The following PUM2 variants were observed in gnomAD, a reference collection of about 807,000 sequenced individuals.
PUM2 encodes the protein pumilio homolog 2.
In PUM2, 57 loss-of-function variants were observed where a neutral mutation model predicts 124.5. That is an observed-to-expected ratio of 0.46 (90% CI 0.37 to 0.57). The LOEUF is 0.57. PUM2 is among the 20% of genes least tolerant of loss of function. The probability of loss-of-function intolerance (pLI) is 0.00; values close to 1 mark genes in which losing one functional copy is unlikely to be tolerated. For missense variants in PUM2, 1,065 were observed against 1,290.6 expected, an observed-to-expected ratio of 0.83 and a Z score of 2.68; for synonymous variants, 460 against 446.1, an observed-to-expected ratio of 1.03 and a Z score of -0.39.
At chr2:20,351,637 T>C (rs1689350436), upstream of PUM2, among the ~76,000 whole-genome samples, 1 of 152,210 alleles carries the variant, frequency 6.6e-6, no homozygotes, top group African/African-American at 2.4e-5. Flanking sequence ...TGCAAAGCAG[T>C]GGTGATTCCA....
intron 1 of PUM2, among the ~76,000 whole-genome samples, chr2:20,344,189 T>C (rs1687770712): frequency 6.6e-6 from 1 of 152,162 alleles, no homozygotes; most frequent in Non-Finnish European, 1.5e-5. Flanking sequence ...CGCCTCAGCC[T>C]CCCAGGTAGC....
At chr2:20,306,987 G>T (rs541537323) in intron 7 of PUM2, among the ~76,000 whole-genome samples, 3 of 151,880 alleles carry the variant, frequency 2.0e-5, no homozygotes, top group Non-Finnish European at 2.9e-5. Flanking sequence ...GCCGAGGGGG[G>T]GCTGATCACC....
Position 20,251,529 on chromosome 2 carries a change from C to A in PUM2, c.*56G>T. ...TTGAGTTGTGTTTTGATAATTCACA[C>A]ACAAAAAAATTCTTTTCACATGGTT... is the stretch of plus-strand genomic sequence containing the variant. On this transcript the variant is annotated 3_prime_UTR_variant, in exon 21 of 21. Coordinates refer to ENST00000361078, the MANE Select transcript of PUM2 (RefSeq NM_015317.5). 6.6e-7 allele frequency: 1 copy of A among 1,525,434 alleles called. No individual in the cohort carries two copies. The highest frequency in any genetic ancestry group is 1.3e-5 in the South Asian group (1 of 77,444). 94.5% of individuals were successfully genotyped at this position (1,525,434 alleles called of 1,614,324 possible).
chr2:20,251,790 T>A, intron 20 of PUM2, 74 bp from the exon 21 acceptor site: 9 of 1,534,216 alleles, frequency 5.9e-6, no homozygotes, highest in Non-Finnish European at 6.2e-6. Context: ...CACCCCCAAT[T>A]CTGGGTAATT....
chr2:20,318,701 A>C (rs1681583555), intron 2 of PUM2, 56 bp from the exon 3 acceptor site: 2 of 1,275,552 alleles, frequency 1.6e-6, no homozygotes, highest in Non-Finnish European at 2.2e-6. Flanking sequence ...GAATTAATAT[A>C]TAAGAAGTCT....
At chr2:20,288,893 C>T (rs1206730949) in intron 10 of PUM2, among the ~76,000 whole-genome samples, 2 of 152,198 alleles carry the variant, frequency 1.3e-5, no homozygotes, top group Non-Finnish European at 2.9e-5. Flanking sequence ...CTGAAACATA[C>T]AAATACAAAT....
chr2:20,344,177 C>G (rs1264922341), intron 1 of PUM2, among the ~76,000 whole-genome samples: 6 of 152,198 alleles, frequency 3.9e-5, no homozygotes, highest in Admixed American at 2.0e-4. Flanking sequence ...AAGAGATCCT[C>G]GCGCCTCAGC....
intron 13 of PUM2, among the ~76,000 whole-genome samples, chr2:20,278,348 A>G (rs909457811): frequency 3.3e-5 from 5 of 152,112 alleles, no homozygotes; most frequent in African/African-American, 1.2e-4. Flanking sequence ...ACACACCATT[A>G]TATTTCATAA....
At chr2:20,277,207 TATG>T (rs1408363060) in intron 13 of PUM2, among the ~76,000 whole-genome samples, 2 of 152,110 alleles carry the variant, frequency 1.3e-5, no homozygotes, top group Non-Finnish European at 2.9e-5. Context: ...AAAAAACTAT[TATG>T]ATAAGTCTTA....
intron 8 of PUM2, among the ~76,000 whole-genome samples, chr2:20,296,320 C>G (rs1047677756): frequency 4.6e-5 from 7 of 152,066 alleles, no homozygotes; most frequent in African/African-American, 1.7e-4. Context: ...ACAGTGAAAC[C>G]CCGTCTCTAC....
At chr2:20,337,813 A>G (rs1163116335) in intron 1 of PUM2, among the ~76,000 whole-genome samples, 2 of 152,158 alleles carry the variant, frequency 1.3e-5, no homozygotes, top group Non-Finnish European at 2.9e-5. Context: ...TTGGAGACTA[A>G]TTTTTAATCA....
chr2:20,286,014 G>A (rs1041386207), intron 10 of PUM2, among the ~76,000 whole-genome samples: 2 of 152,128 alleles, frequency 1.3e-5, no homozygotes, highest in Non-Finnish European at 2.9e-5. Context: ...AAGCCAGTAC[G>A]ACTGAAAGAG....
intron 12 of PUM2, among the ~76,000 whole-genome samples, chr2:20,280,906 C>T (rs1012206544): frequency 6.6e-6 from 1 of 152,122 alleles, no homozygotes; most frequent in South Asian, 2.1e-4. Flanking sequence ...GATGTTTAGG[C>T]TTCTTGGCCA....
chr2:20,350,589 T>G lies in PUM2; in HGVS notation c.-19+8A>C. The G allele has an allele frequency of 1.0e-6, 1 of 985,386 alleles. No homozygotes were observed. The highest frequency in any genetic ancestry group is 1.2e-6 in the Non-Finnish European group (1 of 829,934). 61.0% of individuals were successfully genotyped at this position (985,386 alleles called of 1,614,324 possible). On this transcript the variant is annotated splice_region_variant and intron_variant, in intron 1 of 20. Transcript: ENST00000361078. ...GACCGGAGAAAGAGCGAACGCGGAC[T>G]GACTTACAGGGCTGCTGCGGCCGCG...
intron 13 of PUM2, among the ~76,000 whole-genome samples, chr2:20,275,699 C>T (rs1257999262): frequency 2.0e-5 from 3 of 151,994 alleles, no homozygotes; most frequent in Admixed American, 2.0e-4. Context: ...CTGACCAAGC[C>T]TCTAGATCGA....
chr2:20,309,023 T>G (rs75633851), intron 5 of PUM2, among the ~76,000 whole-genome samples: 1 of 152,062 alleles, frequency 6.6e-6, no homozygotes, highest in Non-Finnish European at 1.5e-5. Context: ...ACACATAATT[T>G]TGCCATAACA....
intron 1 of PUM2, among the ~76,000 whole-genome samples, 200 bp from the exon 2 acceptor site, chr2:20,327,578 G>A (rs909717414): frequency 7.2e-5 from 11 of 152,100 alleles, no homozygotes; most frequent in Non-Finnish European, 1.6e-4. Flanking sequence ...TTAGGTCAAG[G>A]GTTCTTGAAT....
Position 20,341,575 on chromosome 2 carries a change from C to T in PUM2, c.-19+9022G>A, listed in dbSNP as rs1379616159. Reference sequence around the variant, plus strand: ...GTAAAGAAGGTACTGTTGGCTTTATCTTTGTATTTCTTCATATTGTAAGAC... The same window carrying T: ...GTAAAGAAGGTACTGTTGGCTTTATTTTTGTATTTCTTCATATTGTAAGAC... On this transcript the variant is annotated intron_variant, in intron 1 of 20. Coordinates refer to ENST00000361078, the MANE Select transcript of PUM2 (RefSeq NM_015317.5). Among the ~76,000 whole-genome samples the T allele has an allele frequency of 2.0e-5, 3 of 152,220 alleles. No homozygotes were observed. In the East Asian group the frequency reaches 5.8e-4, roughly 29 times the overall value.
intron 7 of PUM2, among the ~76,000 whole-genome samples, chr2:20,306,992 A>C (rs1481176720): frequency 6.6e-6 from 1 of 151,838 alleles, no homozygotes; most frequent in East Asian, 2.0e-4. Context: ...GGGGGGGCTG[A>C]TCACCTGAGA....
Sources: allele counts gnomAD v4.1 joint callset (sites outside exome capture counted in the v4.1 genomes callset), GRCh38; gene constraint gnomAD v4.1.1; transcripts MANE v1.5; gene names NCBI Gene and HGNC (gene_info 2026-07-23, HGNC 2026-07-21).